Variants in LIPI observed in about 807,000 individuals in gnomAD.
LIPI encodes the protein lipase member I.
Under a neutral mutation model 50.6 loss-of-function variants are expected in LIPI, and 59 were observed. That is an observed-to-expected ratio of 1.16 (90% confidence interval 0.94 to 1.45). The LOEUF is 1.45. Ranked by LOEUF, LIPI falls within the 40% of genes most tolerant of loss-of-function variation. The probability of loss-of-function intolerance (pLI) is 0.00; values close to 1 mark genes in which losing one functional copy is unlikely to be tolerated. For synonymous variants in LIPI, 203 were observed against 178.2 expected (o/e 1.14, Z -1.11); for missense variants, 586 against 536.3 (o/e 1.09, Z -0.92).
chr21:14,178,715 G>A (rs868246946), intron 4 of LIPI, among the ~76,000 whole-genome samples: 1 of 152,102 alleles, frequency 6.6e-6, no homozygotes, highest in African/African-American at 2.4e-5. Context: ...AGGCCTATGG[G>A]TGTTGTCTAT....
intron 1 of LIPI, among the ~76,000 whole-genome samples, chr21:14,201,024 G>A (rs558274923): frequency 9.0e-4 from 137 of 151,920 alleles, no homozygotes; most frequent in African/African-American, 1.7e-3. Context: ...ATTCCCTGTC[G>A]AATAAGTGGT....
intron 9 of LIPI, among the ~76,000 whole-genome samples, chr21:14,131,189 A>G (rs1379938969): frequency 6.6e-6 from 1 of 152,058 alleles, no homozygotes; most frequent in Non-Finnish European, 1.5e-5. Context: ...TGATCTCATG[A>G]TCCACCCACC....
chr21:14,132,424 C>T (rs1314224058), intron 9 of LIPI, among the ~76,000 whole-genome samples: 5 of 151,996 alleles, frequency 3.3e-5, no homozygotes, highest in African/African-American at 1.2e-4. Context: ...GTGCTGAAAA[C>T]ACACACACAC....
Position 14,182,927 on chromosome 21 carries a change from C to T in LIPI, c.542-1068G>A, listed in dbSNP as rs533472025. Among the ~76,000 whole-genome samples the T allele has an allele frequency of 5.3e-5, 8 of 152,270 alleles. No homozygotes were observed. In the South Asian group the frequency reaches 1.5e-3, roughly 28 times the overall value. On this transcript the variant is annotated intron_variant, in intron 3 of 9. Coordinates refer to ENST00000681601, the MANE Select transcript of LIPI (RefSeq NM_001302998.2). The stretch of plus-strand genomic sequence containing the variant: ...AGGTAATTTATAGATTCAATGCCAT[C>T]CCCATCAAGCTACCAATGACTTTCT...
At chr21:14,188,881 C>T (rs2019547424) in intron 2 of LIPI, among the ~76,000 whole-genome samples, 153 bp downstream of exon 2, 1 of 152,134 alleles carries the variant, frequency 6.6e-6, no homozygotes, top group African/African-American at 2.4e-5. Context: ...TGGCTGCATA[C>T]ATTGGTATAT....
chr21:14,171,102 A>T (rs1600893754), intron 4 of LIPI, among the ~76,000 whole-genome samples: 1 of 148,774 alleles, frequency 6.7e-6, no homozygotes, highest in South Asian at 2.2e-4. Context: ...TCATGAGTGA[A>T]CTCCCATTCA....
chr21:14,189,572 T>A (rs886585962), intron 1 of LIPI, among the ~76,000 whole-genome samples, 153 bp from the exon 2 acceptor site: 4 of 152,138 alleles, frequency 2.6e-5, no homozygotes, highest in African/African-American at 9.7e-5. Flanking sequence ...ATGTTGAAGG[T>A]AATGTATTAA....
In LIPI at chr21:14,210,954, G is replaced by C. The variant is rs1388863803; in HGVS notation, c.-109C>G. ...TCATCACAGGCTGGCAGGTTCTTCT[G>C]TAAAAGTTCACTGATTTTTGCTCCT... On this transcript the variant is annotated 5_prime_UTR_variant, in exon 1 of 10. Transcript: ENST00000681601. 9.5e-7 allele frequency: 1 copy of C among 1,055,478 alleles called. No individual in the cohort carries two copies. Among genetic ancestry groups the C allele is most frequent in the South Asian group, 2.8e-5 (1 of 35,674 alleles). 65.4% of individuals were successfully genotyped at this position (1,055,478 alleles called of 1,614,324 possible).
intron 9 of LIPI, among the ~76,000 whole-genome samples, chr21:14,116,020 G>A (rs2016619750): frequency 6.6e-6 from 1 of 151,672 alleles, no homozygotes; most frequent in African/African-American, 2.4e-5. Flanking sequence ...GTGTGTGGGA[G>A]TGTGTGGGTG....
intron 9 of LIPI, among the ~76,000 whole-genome samples, chr21:14,141,071 G>A (rs1031201372): frequency 6.6e-6 from 1 of 152,096 alleles, no homozygotes; most frequent in African/African-American, 2.4e-5. Flanking sequence ...ATAAGAATGG[G>A]TCTAAATGTT....
chr21:14,148,193 A>G (rs1364478741), intron 8 of LIPI, among the ~76,000 whole-genome samples: 1 of 152,208 alleles, frequency 6.6e-6, no homozygotes, highest in Admixed American at 6.5e-5. Context: ...CATGTACAAG[A>G]AGGAGGAAGG....
At chr21:14,138,221 TA>T (rs1226397935) in intron 9 of LIPI, among the ~76,000 whole-genome samples, 2 of 151,820 alleles carry the variant, frequency 1.3e-5, no homozygotes, top group Non-Finnish European at 2.9e-5. Flanking sequence ...AAATAAAGAT[TA>T]AAAAATTAAA....
chr21:14,199,437 C>A (rs1371470631), intron 1 of LIPI, among the ~76,000 whole-genome samples: 6 of 151,688 alleles, frequency 4.0e-5, no homozygotes, highest in African/African-American at 1.5e-4. Flanking sequence ...AGAAACACAA[C>A]CACCAGAGAA....
intron 4 of LIPI, among the ~76,000 whole-genome samples, chr21:14,176,175 CAAAAAAA>C (rs35536134): frequency 6.3e-5 from 7 of 111,656 alleles, no homozygotes; most frequent in African/African-American, 2.4e-4. Flanking sequence ...GACTCCGTCT[CAAAAAAA>C]AAAAAAAAAG....
At chr21:14,178,767 C>T (rs574124411) in intron 4 of LIPI, among the ~76,000 whole-genome samples, 4 of 152,154 alleles carry the variant, frequency 2.6e-5, no homozygotes, top group South Asian at 4.2e-4. Context: ...CTGTCTTGCT[C>T]CAAGTGTGCC....
intron 9 of LIPI, among the ~76,000 whole-genome samples, chr21:14,141,341 A>G (rs2017699547): frequency 6.6e-6 from 1 of 151,124 alleles, no homozygotes; most frequent in Non-Finnish European, 1.5e-5. Context: ...TATTGGTCAA[A>G]TCTATTATTT....
chr21:14,168,464 G>C (rs1036394601), intron 4 of LIPI, among the ~76,000 whole-genome samples: 2 of 152,288 alleles, frequency 1.3e-5, no homozygotes, highest in South Asian at 4.2e-4. Flanking sequence ...CAGCCAGAGA[G>C]AAAGGTCGGG....
chr21:14,114,393 A>T (rs1390872681), intron 9 of LIPI, among the ~76,000 whole-genome samples: 1 of 152,124 alleles, frequency 6.6e-6, no homozygotes, highest in Non-Finnish European at 1.5e-5. Flanking sequence ...AAAACAAGGG[A>T]CCATAGAAAA....
chr21:14,161,028 AT>A (rs1199796970), intron 7 of LIPI, among the ~76,000 whole-genome samples: 10 of 151,378 alleles, frequency 6.6e-5, no homozygotes, highest in African/African-American at 1.5e-4. Flanking sequence ...AATTGGGATA[AT>A]GTAAAGTGGT....
Sources: gnomAD v4.1 joint callset for allele counts (sites outside exome capture counted in the v4.1 genomes callset) on GRCh38, gnomAD v4.1.1 for gene constraint, MANE v1.5 for transcripts, NCBI Gene and HGNC (gene_info 2026-07-23, HGNC 2026-07-21) for gene names.